Variants in DNAH11 observed in about 807,000 individuals in gnomAD.
DNAH11 encodes axonemal beta dynein heavy chain 11.
Under a neutral mutation model 526.0 loss-of-function variants are expected in DNAH11, and 442 were observed. That is an observed-to-expected ratio of 0.84 (90% CI 0.78 to 0.91). The LOEUF is 0.91. DNAH11 is among the 40% of genes least tolerant of loss of function. DNAH11 has a pLI of 0.00. For missense variants in DNAH11, 6,989 were observed against 5,448.7 expected (o/e 1.28, Z -8.90); for synonymous variants, 2,461 against 1,935.9 (o/e 1.27, Z -7.12).
rs149396783 is a variant in DNAH11, at chr7:21,626,194, G to A, written c.4500+6116G>A. 3.6e-3 allele frequency among the ~76,000 whole-genome samples: 546 copies of A among 152,222 alleles called. 4 individuals are homozygous for A. The highest frequency in any genetic ancestry group is 0.013 in the African/African-American group (528 of 41,540). On this transcript the variant is annotated intron_variant, in intron 25 of 81. Transcript: ENST00000409508. ...CGCTTTTTAAAAAAAATTCCCACAT[G>A]TGAATGGGAATACGTGATATTTGTC...
chr7:21,684,879 T>C (rs973833849), intron 32 of DNAH11, among the ~76,000 whole-genome samples: 7 of 152,254 alleles, frequency 4.6e-5, no homozygotes, highest in Non-Finnish European at 7.3e-5. Flanking sequence ...AGACAGCACA[T>C]TTAATCTTTG....
chr7:21,617,689 A>G lies in DNAH11; in HGVS notation c.4166A>G (p.Asp1389Gly), dbSNP rs777075137. Residue 1389 changes from aspartate (D) to glycine (G), a missense_variant, in exon 23 of 82, where the codon GAC (aspartate) becomes GGC (glycine). Transcript: ENST00000409508. ...ACGGGCCTGGAAGGCACAGTTAAGG[A>G]CATGACAGCCTCCCTGAGGGCCATC... is the stretch of plus-strand genomic sequence containing the variant. ...AYTGLEGTVKDMTASLRAITE... is the reference protein window; with the variant it reads ...AYTGLEGTVKGMTASLRAITE... 2 of 1,613,776 alleles carry G rather than the reference A, an allele frequency of 1.2e-6. No homozygotes were observed.
At position 21,880,608 on chromosome 7, in the gene DNAH11, C is replaced by G. The variant is rs1201935020; in HGVS notation, c.12196-94C>G. The G allele has an allele frequency of 5.9e-6, 8 of 1,367,174 alleles. No homozygotes were observed. In the African/African-American group the frequency reaches 1.2e-4, roughly 20 times the overall value. 84.7% of individuals were successfully genotyped at this position (1,367,174 alleles called of 1,614,324 possible). On this transcript the variant is annotated intron_variant, in intron 74 of 81. Coordinates refer to ENST00000409508, the MANE Select transcript of DNAH11 (RefSeq NM_001277115.2). ...AAGACTGCCTCTGTAGTATCTCACTCTCAAAGTTCTTTACAAGATTATTGA... is the reference window on the plus strand; with the variant it reads ...AAGACTGCCTCTGTAGTATCTCACTGTCAAAGTTCTTTACAAGATTATTGA...
chr7:21,789,442 AG>A, intron 61 of DNAH11, 100 bp downstream of exon 61: 1 of 695,138 alleles, frequency 1.4e-6, no homozygotes, highest in East Asian at 2.8e-5. Flanking sequence ...AGCCCTATCA[AG>A]CAGAAAGGAA....
intron 46 of DNAH11, 21 bp downstream of exon 46, chr7:21,735,865 T>C: frequency 6.4e-7 from 1 of 1,567,356 alleles, no homozygotes; most frequent in Non-Finnish European, 8.7e-7. Flanking sequence ...CTGTTTATTT[T>C]CTAGAAACAA....
At chr7:21,701,058 G>A (rs1174932092) in intron 36 of DNAH11, among the ~76,000 whole-genome samples, 1 of 152,034 alleles carries the variant, frequency 6.6e-6, no homozygotes, top group Non-Finnish European at 1.5e-5. Context: ...GTATACCTAT[G>A]TAACAAATGT....
chr7:21,593,850 C>G (rs937449859), intron 14 of DNAH11, among the ~76,000 whole-genome samples: 3 of 152,146 alleles, frequency 2.0e-5, no homozygotes, highest in East Asian at 3.9e-4. Context: ...TGAATACTCT[C>G]CTTTGGGCAA....
intron 14 of DNAH11, among the ~76,000 whole-genome samples, chr7:21,595,410 A>G (rs1481795980): frequency 1.3e-5 from 2 of 152,248 alleles, no homozygotes; most frequent in African/African-American, 4.8e-5. Context: ...GTGCTGGACC[A>G]GGGTGGTAGC....
At chr7:21,606,615 CTTTTT>C (rs372802563) in intron 19 of DNAH11, 27 bp from the exon 20 acceptor site, 521 of 1,193,182 alleles carry the variant, frequency 4.4e-4, no homozygotes, top group African/African-American at 1.4e-3. Context: ...TTGAAATTCA[CTTTTT>C]TTTTTTTTTT....
chr7:21,665,862 A>G (rs1464867460), intron 30 of DNAH11, among the ~76,000 whole-genome samples: 1 of 152,136 alleles, frequency 6.6e-6, no homozygotes, highest in East Asian at 1.9e-4. Flanking sequence ...AGAAGCTAAC[A>G]TTTGAATTCT....
rs575744805 is a variant in DNAH11, at chr7:21,716,319, AC to A, written c.6984-1455del. On this transcript the variant is annotated intron_variant, in intron 42 of 81. Coordinates refer to ENST00000409508, the MANE Select transcript of DNAH11 (RefSeq NM_001277115.2). ...AGTTTCCGAATGCCACCAACTCTGT[AC>A]TAATGAGTAACGTTTATTGAGAATT... 6.5e-3 allele frequency among the ~76,000 whole-genome samples: 984 copies of A among 152,316 alleles called. 6 individuals carry two copies. Among genetic ancestry groups the A allele is most frequent in the Non-Finnish European group, 0.011 (743 of 68,030 alleles).
intron 44 of DNAH11, among the ~76,000 whole-genome samples, chr7:21,722,479 G>A (rs1784917576): frequency 6.6e-6 from 1 of 152,140 alleles, no homozygotes; most frequent in South Asian, 2.1e-4. Context: ...ATTTCTGTTG[G>A]TTTGTTCACT....
intron 76 of DNAH11, among the ~76,000 whole-genome samples, chr7:21,888,270 C>A (rs1282319995): frequency 2.0e-5 from 3 of 152,176 alleles, no homozygotes; most frequent in Non-Finnish European, 4.4e-5. Flanking sequence ...AGGCCAAGGG[C>A]AAATGCATTT....
chr7:21,575,284 T>A (rs1313058250), intron 8 of DNAH11, among the ~76,000 whole-genome samples: 1 of 152,204 alleles, frequency 6.6e-6, no homozygotes, highest in Non-Finnish European at 1.5e-5. Context: ...TGAGGACCTA[T>A]GGCCTGAGAT....
intron 32 of DNAH11, among the ~76,000 whole-genome samples, chr7:21,684,854 G>C (rs1238846630): frequency 6.6e-6 from 1 of 152,222 alleles, no homozygotes; most frequent in African/African-American, 2.4e-5. Flanking sequence ...AATCTCTGCT[G>C]ACCTGTTTGA....
intron 2 of DNAH11, among the ~76,000 whole-genome samples, chr7:21,551,422 G>A (rs1783018746): frequency 6.6e-6 from 1 of 152,166 alleles, no homozygotes; most frequent in Non-Finnish European, 1.5e-5. Flanking sequence ...AGTTCCCCAT[G>A]TACCAATTCC....
At chr7:21,899,710 A>C (rs1362557164) in intron 80 of DNAH11, among the ~76,000 whole-genome samples, 1 of 152,190 alleles carries the variant, frequency 6.6e-6, no homozygotes, top group Non-Finnish European at 1.5e-5. Context: ...TTTTCTGGAA[A>C]GGGCCACATA....
Position 21,855,249 on chromosome 7 carries a change from T to C in DNAH11, c.11202+794T>C, listed in dbSNP as rs189953352. Among the ~76,000 whole-genome samples the C allele has an allele frequency of 5.3e-5, 8 of 152,208 alleles. No individual in the cohort carries two copies. The East Asian group carries it at 1.6e-3, about 30-fold the overall frequency. The stretch of plus-strand genomic sequence containing the variant: ...GGTTTCACCGTGTTAGCCAGAATGA[T>C]CTCTATCTCCTGACCTCGTGATCTG... On this transcript the variant is annotated intron_variant, in intron 68 of 81. Transcript: ENST00000409508.
At chr7:21,558,480 G>T (rs1476465510) in intron 2 of DNAH11, among the ~76,000 whole-genome samples, 1 of 152,182 alleles carries the variant, frequency 6.6e-6, no homozygotes, top group Admixed American at 6.5e-5. Flanking sequence ...CTGCCAGTGT[G>T]CTCAGTTTGC....
Sources: allele counts gnomAD v4.1 joint callset (sites outside exome capture counted in the v4.1 genomes callset), GRCh38; gene constraint gnomAD v4.1.1; transcripts MANE v1.5; gene names NCBI Gene and HGNC (gene_info 2026-07-23, HGNC 2026-07-21).